TMEM74: variants seen among roughly 807,000 people sequenced by gnomAD.
TMEM74 encodes transmembrane protein 74.
Under a neutral mutation model 18.1 loss-of-function variants are expected in TMEM74, and 13 were observed. The ratio of observed to expected loss-of-function variants is 0.72; its 90% CI spans 0.47 to 1.14. TMEM74 has a LOEUF of 1.14. TMEM74 is among the 50% of genes most tolerant of loss of function. The pLI, the probability that TMEM74 is intolerant of heterozygous loss-of-function variation, is 0.00. For synonymous variants in TMEM74, 159 were observed against 146.6 expected, an observed-to-expected ratio of 1.08 and a Z score of -0.61; for missense variants, 372 against 375.9, an observed-to-expected ratio of 0.99 and a Z score of 0.09.
At chr8:108,715,181 G>A (rs896637306) in intron 1 of TMEM74, among the ~76,000 whole-genome samples, 22 of 151,748 alleles carry the variant, frequency 1.4e-4, no homozygotes, top group African/African-American at 5.3e-4. Flanking sequence ...AACATGTTTA[G>A]TGATTTATAT....
chr8:108,681,980 T>G (rs965757499), intron 1 of TMEM74, among the ~76,000 whole-genome samples: 1 of 152,122 alleles, frequency 6.6e-6, no homozygotes, highest in Non-Finnish European at 1.5e-5. Flanking sequence ...TTTAACTACA[T>G]TTTTGTGTCC....
Position 108,783,087 on chromosome 8 carries a change from T to C in TMEM74, c.*1094A>G, listed in dbSNP as rs1030563434. ...TACAGTCCCCATTAAATCAGTGTAT[T>C]GAATCTCTCTTTCCATTTTATTTTT... On this transcript the variant is annotated 3_prime_UTR_variant, in exon 2 of 2. Coordinates refer to ENST00000297459, the MANE Select transcript of TMEM74 (RefSeq NM_153015.3). Among the ~76,000 whole-genome samples the C allele has an allele frequency of 6.6e-6, 1 of 152,184 alleles. No individual in the cohort carries two copies. Among genetic ancestry groups the C allele is most frequent in the African/African-American group, 2.4e-5 (1 of 41,446 alleles).
At chr8:108,758,146 G>A (rs1813999712) in intron 1 of TMEM74, among the ~76,000 whole-genome samples, 1 of 151,798 alleles carries the variant, frequency 6.6e-6, no homozygotes, top group African/African-American at 2.4e-5. Flanking sequence ...AAATAGCTTG[G>A]AGAAATGATC....
At chr8:108,717,452 C>T (rs1813536913) in intron 1 of TMEM74, among the ~76,000 whole-genome samples, 3 of 151,976 alleles carry the variant, frequency 2.0e-5, no homozygotes, top group South Asian at 4.2e-4. Context: ...ACAGCAGAGA[C>T]CAAAAGGACA....
chr8:108,657,939 T>C (rs1252747035), intron 1 of TMEM74, among the ~76,000 whole-genome samples: 1 of 141,466 alleles, frequency 7.1e-6, no homozygotes, highest in Non-Finnish European at 1.5e-5. Flanking sequence ...GTCCAAGGTC[T>C]ATCACTTTTA....
At chr8:108,723,863 A>C (rs2130633394) in intron 1 of TMEM74, among the ~76,000 whole-genome samples, 1 of 152,330 alleles carries the variant, frequency 6.6e-6, no homozygotes, top group East Asian at 1.9e-4. Context: ...GGAATTATTA[A>C]ATTCAATTTT....
At chr8:108,723,996 G>C (rs1813610267) in intron 1 of TMEM74, among the ~76,000 whole-genome samples, 1 of 152,176 alleles carries the variant, frequency 6.6e-6, no homozygotes, top group Non-Finnish European at 1.5e-5. Flanking sequence ...TCTTTAACAT[G>C]ATGAGGCATG....
At chr8:108,684,801 C>T (rs2935805) in intron 1 of TMEM74, among the ~76,000 whole-genome samples, 13 of 150,648 alleles carry the variant, frequency 8.6e-5, no homozygotes, top group Non-Finnish European at 1.5e-4. Context: ...TAGTTTTAGT[C>T]ATTTATGCCA....
At chr8:108,721,145 C>A (rs111661145) in intron 1 of TMEM74, among the ~76,000 whole-genome samples, 3 of 152,152 alleles carry the variant, frequency 2.0e-5, no homozygotes, top group African/African-American at 7.2e-5. Flanking sequence ...TTGAATGTCT[C>A]CTATGAGTAA....
intron 1 of TMEM74, among the ~76,000 whole-genome samples, chr8:108,749,702 G>A (rs772454507): frequency 6.6e-6 from 1 of 152,092 alleles, no homozygotes; most frequent in Non-Finnish European, 1.5e-5. Context: ...TAGGAGTGGT[G>A]AGAGAGGGCA....
Position 108,748,178 on chromosome 8 carries a change from C to T in TMEM74, n.119+39298G>A, listed in dbSNP as rs143654648. On this transcript the variant is annotated intron_variant and non_coding_transcript_variant, in intron 1 of 3. Transcript: ENST00000518838. Reference sequence around the variant, plus strand: ...TGGTTGAACTAATTTACACTCCCACCATCTGTGTAAAAGTGTTGCTTTTTC... The same window carrying T: ...TGGTTGAACTAATTTACACTCCCACTATCTGTGTAAAAGTGTTGCTTTTTC... Among the ~76,000 whole-genome samples the T allele has an allele frequency of 6.4e-3, 969 of 152,268 alleles. 15 individuals are homozygous for T. The highest frequency in any genetic ancestry group is 0.022 in the African/African-American group (900 of 41,554).
chr8:108,740,864 G>A (rs1402742654), intron 1 of TMEM74, among the ~76,000 whole-genome samples: 1 of 152,148 alleles, frequency 6.6e-6, no homozygotes, highest in East Asian at 1.9e-4. Flanking sequence ...TTGCACATGT[G>A]CACCTAAAAC....
chr8:108,737,144 T>C (rs1813756496), intron 1 of TMEM74, among the ~76,000 whole-genome samples: 1 of 152,174 alleles, frequency 6.6e-6, no homozygotes, highest in African/African-American at 2.4e-5. Context: ...TGTCATAAAA[T>C]TGTGGGTTCA....
At chr8:108,688,217 A>G (rs1813191283) in intron 1 of TMEM74, among the ~76,000 whole-genome samples, 2 of 152,178 alleles carry the variant, frequency 1.3e-5, no homozygotes, top group African/African-American at 2.4e-5. Flanking sequence ...CTGGCTCTAC[A>G]TTTCTGAAGT....
chr8:108,770,824 C>A (rs1814163300), intron 1 of TMEM74, among the ~76,000 whole-genome samples: 1 of 152,152 alleles, frequency 6.6e-6, no homozygotes, highest in Admixed American at 6.6e-5. Flanking sequence ...GTCCTCCCAC[C>A]TTGCTTCATG....
chr8:108,742,690 G>T (rs978641321), intron 1 of TMEM74, among the ~76,000 whole-genome samples: 1 of 152,146 alleles, frequency 6.6e-6, no homozygotes, highest in Non-Finnish European at 1.5e-5. Context: ...AAGTGTTCTG[G>T]ATTCAAAGTC....
intron 1 of TMEM74, among the ~76,000 whole-genome samples, chr8:108,669,691 T>C (rs116936361): frequency 0.022 from 3,404 of 152,260 alleles, 57 homozygotes; most frequent in South Asian, 0.041. Flanking sequence ...CAGTCACAAA[T>C]CAGAGGGAAG....
intron 1 of TMEM74, among the ~76,000 whole-genome samples, chr8:108,679,407 CTG>C (rs1228689075): frequency 1.3e-5 from 2 of 152,170 alleles, no homozygotes. Flanking sequence ...TCTCCAGCAC[CTG>C]TTGTTTCCTG....
intron 2 of TMEM74, chr8:108,608,974 G>A (rs1204791551): frequency 6.6e-6 from 1 of 152,140 alleles, no homozygotes; most frequent in Non-Finnish European, 1.5e-5. Context: ...TGCTGCTTAG[G>A]TAAACAAACA....
Sources: gnomAD v4.1 joint callset for allele counts (sites outside exome capture counted in the v4.1 genomes callset) on GRCh38, gnomAD v4.1.1 for gene constraint, MANE v1.5 for transcripts, NCBI Gene and HGNC (gene_info 2026-07-23, HGNC 2026-07-21) for gene names.